The following ZFHX3 variants were observed in gnomAD, a reference collection of about 807,000 sequenced individuals.
ZFHX3 encodes the protein zinc finger homeobox protein 3.
ZFHX3 carries 42 observed loss-of-function variants against 279.1 expected under a neutral mutation model. That is an observed-to-expected ratio of 0.15 (90% CI 0.12 to 0.19). The LOEUF is 0.19. Ranked by LOEUF, ZFHX3 falls within the 10% of genes least tolerant of loss-of-function variation. The probability of loss-of-function intolerance (pLI) is 1.00; values close to 1 mark genes in which losing one functional copy is unlikely to be tolerated. For missense variants in ZFHX3, 4,981 were observed against 4,754.0 expected (o/e 1.05, Z -1.40); for synonymous variants, 2,293 against 1,957.8 (o/e 1.17, Z -4.52).
chr16:72,812,774 T>G (rs1381005024), intron 5 of ZFHX3, among the ~76,000 whole-genome samples: 1 of 152,134 alleles, frequency 6.6e-6, no homozygotes, highest in Non-Finnish European at 1.5e-5. Context: ...CCCTCTTGCT[T>G]ACACCACCAA....
intron 5 of ZFHX3, among the ~76,000 whole-genome samples, chr16:73,214,843 C>CATT (rs781227170): frequency 3.8e-5 from 3 of 79,246 alleles, no homozygotes; most frequent in Non-Finnish European, 6.7e-5. Context: ...TGCTGAAGGC[C>CATT]TTTTTTTTTT....
chr16:73,390,382 G>C (rs1034631050), intron 3 of ZFHX3, among the ~76,000 whole-genome samples: 2 of 152,184 alleles, frequency 1.3e-5, no homozygotes, highest in African/African-American at 4.8e-5. Flanking sequence ...GCTTGCTGCT[G>C]TCTTTCTGGA....
rs117404395 is a variant in ZFHX3 at position 73,402,964 on chromosome 16, A to G, written c.-1291+53039T>C. On this transcript the variant is annotated intron_variant, in intron 3 of 17. Coordinates refer to the ZFHX3 transcript ENST00000641206. The stretch of plus-strand genomic sequence containing the variant: ...TCCATAAGACAGTAGATTAAGAGGT[A>G]ATAGAGAGAGCTAACACCAGGCTGG... 2.6e-4 allele frequency among the ~76,000 whole-genome samples: 40 copies of G among 152,284 alleles called. No homozygotes were observed. In the East Asian group the frequency reaches 5.8e-3, roughly 22 times the overall value.
At chr16:72,930,696 A>T (rs1959742905) in intron 3 of ZFHX3, among the ~76,000 whole-genome samples, 1 of 152,266 alleles carries the variant, frequency 6.6e-6, no homozygotes. Context: ...TGATACATTT[A>T]GAAATACTCA....
chr16:73,737,347 T>C (rs940256603), intron 1 of ZFHX3, among the ~76,000 whole-genome samples: 10 of 152,182 alleles, frequency 6.6e-5, no homozygotes, highest in African/African-American at 2.2e-4. Flanking sequence ...TGTGACTCCA[T>C]TCTTGATAAC....
chr16:73,141,401 T>C (rs975209940), intron 6 of ZFHX3, among the ~76,000 whole-genome samples: 37 of 151,974 alleles, frequency 2.4e-4, no homozygotes, highest in Admixed American at 6.6e-4. Flanking sequence ...TTAAATAATT[T>C]TTTTTTTTTT....
chr16:73,748,049 G>C (rs1483264782), intron 1 of ZFHX3, among the ~76,000 whole-genome samples: 1 of 152,052 alleles, frequency 6.6e-6, no homozygotes, highest in Non-Finnish European at 1.5e-5. Context: ...AAAGATGTTG[G>C]GGATAATAGT....
intron 4 of ZFHX3, among the ~76,000 whole-genome samples, chr16:73,295,307 T>C (rs1198972179): frequency 1.3e-5 from 2 of 152,254 alleles, no homozygotes; most frequent in Non-Finnish European, 2.9e-5. Flanking sequence ...GGGGACGATT[T>C]TGAATCTCTG....
intron 2 of ZFHX3, among the ~76,000 whole-genome samples, chr16:73,607,890 C>T: frequency 6.6e-6 from 1 of 151,958 alleles, no homozygotes; most frequent in East Asian, 1.9e-4. Flanking sequence ...GGCAACATGG[C>T]AAAACCCTGT....
intron 7 of ZFHX3, among the ~76,000 whole-genome samples, chr16:73,105,384 C>CACACACACATATATATATAT (rs1567389794): frequency 1.2e-4 from 5 of 43,168 alleles, no homozygotes; most frequent in African/African-American, 3.1e-4. Flanking sequence ...TATATATATA[C>CACACACACATATATATATAT]ACACACACAC....
intron 1 of ZFHX3, among the ~76,000 whole-genome samples, chr16:73,773,731 A>G (rs1386822648): frequency 8.5e-5 from 13 of 152,220 alleles, no homozygotes; most frequent in African/African-American, 3.1e-4. Context: ...GAAGTTGTAA[A>G]TAAAGCCATG....
At chr16:72,873,958 T>G (rs2038231305) in intron 4 of ZFHX3, among the ~76,000 whole-genome samples, 1 of 152,196 alleles carries the variant, frequency 6.6e-6, no homozygotes, top group Non-Finnish European at 1.5e-5. Context: ...GCCTTCGTAA[T>G]AAGCATACTT....
intron 3 of ZFHX3, among the ~76,000 whole-genome samples, chr16:73,407,338 A>T (rs2017380911): frequency 6.6e-6 from 1 of 152,216 alleles, no homozygotes; most frequent in Admixed American, 6.5e-5. Flanking sequence ...ATTGCATTGG[A>T]AAATGAGGGA....
chr16:72,788,394 C>T lies in ZFHX3; in HGVS notation c.9882G>A (p.Ala3294=), dbSNP rs756457941. 6.2e-6 allele frequency: 10 copies of T among 1,614,094 alleles called. No homozygotes were observed. In the Admixed American group the frequency reaches 8.3e-5, roughly 13 times the overall value. ...GCAATGCTGTGGGGTCCGAAGTCAA[C>T]GCGGCCTGCAGGGCCTGCAGCTGTG... ...DPAQLQALQA[A]LTSDPTALLT... is the part of the protein sequence containing the mutation. Residue 3294 remains alanine, a synonymous_variant, in exon 10 of 10, where the codon GCG becomes GCA. Coordinates refer to ENST00000268489, the MANE Select transcript of ZFHX3 (RefSeq NM_006885.4).
At chr16:73,703,206 G>A (rs879130849) in intron 1 of ZFHX3, among the ~76,000 whole-genome samples, 9 of 152,004 alleles carry the variant, frequency 5.9e-5, no homozygotes, top group East Asian at 1.9e-4. Context: ...GGAGCAGTTC[G>A]TTTAAGATGT....
chr16:73,624,521 C>A (rs1199202986), intron 2 of ZFHX3, among the ~76,000 whole-genome samples: 2 of 151,798 alleles, frequency 1.3e-5, no homozygotes, highest in African/African-American at 2.4e-5. Flanking sequence ...CAGCCCTAAG[C>A]TAGAACCATC....
chr16:73,531,714 C>CAA (rs34119200), intron 2 of ZFHX3, among the ~76,000 whole-genome samples: 180 of 80,956 alleles, frequency 2.2e-3, no homozygotes, highest in East Asian at 2.6e-3. Flanking sequence ...AACCCTGTCT[C>CAA]AAAAAAAAAA....
intron 7 of ZFHX3, among the ~76,000 whole-genome samples, chr16:73,115,991 A>G (rs1005753361): frequency 9.9e-5 from 15 of 152,228 alleles, no homozygotes; most frequent in African/African-American, 3.1e-4. Context: ...GTGGTGATGC[A>G]TGCCTGTAAT....
At chr16:73,050,711 C>G (rs2144726175), upstream of ZFHX3, among the ~76,000 whole-genome samples, 1 of 151,912 alleles carries the variant, frequency 6.6e-6, no homozygotes, top group Admixed American at 6.5e-5. Flanking sequence ...CATGGCCTAC[C>G]CAGCAGTGAC....
Sources: gnomAD v4.1 joint callset for allele counts (sites outside exome capture counted in the v4.1 genomes callset) on GRCh38, gnomAD v4.1.1 for gene constraint, MANE v1.5 for transcripts, NCBI Gene and HGNC (gene_info 2026-07-23, HGNC 2026-07-21) for gene names.